GALNTL6: variants seen among roughly 807,000 people sequenced by gnomAD.
GALNTL6 encodes polypeptide N-acetylgalactosaminyltransferase-like 6.
In GALNTL6, 46 loss-of-function variants were observed where a neutral mutation model predicts 73.7. The ratio of observed to expected loss-of-function variants is 0.62; its 90% CI spans 0.49 to 0.80. The LOEUF is 0.80. GALNTL6 is among the 30% of genes least tolerant of loss of function. The pLI is 0.00. For synonymous variants in GALNTL6, 259 were observed against 263.7 expected (o/e 0.98, Z 0.17); for missense variants, 604 against 755.0 (o/e 0.80, Z 2.34).
chr4:172,480,889 G>C (rs1018086776), intron 5 of GALNTL6, among the ~76,000 whole-genome samples: 1 of 152,016 alleles, frequency 6.6e-6, no homozygotes, highest in Admixed American at 6.5e-5. Flanking sequence ...CCTAGGAAGG[G>C]GTGCATGAAA....
At chr4:172,998,592 T>C (rs578137566) in intron 10 of GALNTL6, among the ~76,000 whole-genome samples, 2 of 152,278 alleles carry the variant, frequency 1.3e-5, no homozygotes, top group South Asian at 4.1e-4. Context: ...TCTACCTTCA[T>C]TCATGAAACC....
chr4:172,484,175 C>A (rs928704316), intron 5 of GALNTL6, among the ~76,000 whole-genome samples: 6 of 152,076 alleles, frequency 3.9e-5, no homozygotes, highest in African/African-American at 1.4e-4. Flanking sequence ...GATTTTTGAT[C>A]TGCTATGTAA....
chr4:172,141,599 C>T (rs1043611208), intron 2 of GALNTL6, among the ~76,000 whole-genome samples: 10 of 151,418 alleles, frequency 6.6e-5, no homozygotes, highest in Non-Finnish European at 1.3e-4. Flanking sequence ...ATTTTAAACT[C>T]GTCAATTAAA....
At chr4:172,901,676 A>G (rs1264511613) in intron 8 of GALNTL6, among the ~76,000 whole-genome samples, 5 of 152,230 alleles carry the variant, frequency 3.3e-5, no homozygotes, top group African/African-American at 1.2e-4. Flanking sequence ...CCGAACGAAA[A>G]AAATTCCAGA....
rs550074683 is a variant in GALNTL6 at position 171,999,064 on chromosome 4, G to C, written c.138+184346G>C. Among the ~76,000 whole-genome samples, 8 of 152,190 alleles carry C rather than the reference G, an allele frequency of 5.3e-5. No homozygotes were observed. In the East Asian group the frequency reaches 1.5e-3, roughly 29 times the overall value. ...CTGAGTCCCTCAGGAAACGTCTTTT[G>C]GTATTTCATTTGTTTGACTAAGGTC... is the stretch of plus-strand genomic sequence containing the variant. On this transcript the variant is annotated intron_variant, in intron 2 of 12. Transcript: ENST00000506823.
At chr4:172,534,758 G>A (rs1301899538) in intron 5 of GALNTL6, among the ~76,000 whole-genome samples, 1 of 152,104 alleles carries the variant, frequency 6.6e-6, no homozygotes, top group East Asian at 1.9e-4. Flanking sequence ...AGTAGAAACA[G>A]GGTTTCACCA....
chr4:171,841,616 A>G (rs1735240906), intron 2 of GALNTL6, among the ~76,000 whole-genome samples: 2 of 152,112 alleles, frequency 1.3e-5, no homozygotes, highest in Non-Finnish European at 2.9e-5. Context: ...AATACTAATG[A>G]AACTAGCTAT....
At chr4:172,921,827 T>C (rs548652764) in intron 8 of GALNTL6, among the ~76,000 whole-genome samples, 8 of 150,114 alleles carry the variant, frequency 5.3e-5, no homozygotes, top group African/African-American at 2.0e-4. Context: ...AAAAAATGCA[T>C]GTATTCATTC....
intron 2 of GALNTL6, among the ~76,000 whole-genome samples, chr4:172,081,203 C>T (rs965448395): frequency 2.6e-5 from 4 of 152,198 alleles, no homozygotes; most frequent in Non-Finnish European, 4.4e-5. Context: ...GAGAGTGAAC[C>T]TTAATGCTTA....
intron 5 of GALNTL6, among the ~76,000 whole-genome samples, chr4:172,389,813 A>C (rs1743597771): frequency 6.6e-6 from 1 of 152,120 alleles, no homozygotes; most frequent in Admixed American, 6.5e-5. Flanking sequence ...TAATATATCG[A>C]ATTAGTTGAG....
intron 2 of GALNTL6, among the ~76,000 whole-genome samples, chr4:172,007,412 A>G (rs1026567286): frequency 6.6e-6 from 1 of 152,102 alleles, no homozygotes; most frequent in African/African-American, 2.4e-5. Flanking sequence ...ACCAGTATGA[A>G]TAAGTAATAT....
chr4:172,379,917 C>A, intron 5 of GALNTL6: 1 of 584,126 alleles, frequency 1.7e-6, no homozygotes, highest in Non-Finnish European at 3.1e-6. Context: ...CTGAAGAAGT[C>A]TGGGCTTTTA....
chr4:172,177,902 A>T (rs1735099317), intron 2 of GALNTL6, among the ~76,000 whole-genome samples: 1 of 102,138 alleles, frequency 9.8e-6, no homozygotes, highest in Non-Finnish European at 2.3e-5. Flanking sequence ...TACTTCTATG[A>T]TATGACTTTC....
At chr4:172,699,073 G>A (rs1725217236) in intron 5 of GALNTL6, among the ~76,000 whole-genome samples, 1 of 152,178 alleles carries the variant, frequency 6.6e-6, no homozygotes, top group African/African-American at 2.4e-5. Context: ...TTCATAGAAA[G>A]AGCCTTATAG....
At chr4:172,503,883 A>ATTCTGCCATTCT (rs1415795499) in intron 5 of GALNTL6, among the ~76,000 whole-genome samples, 6 of 8,838 alleles carry the variant, frequency 6.8e-4, no homozygotes, top group South Asian at 0.022. Flanking sequence ...GTCCAAGCAC[A>ATTCTGCCATTCT]GATCACGCCT....
intron 3 of GALNTL6, among the ~76,000 whole-genome samples, chr4:172,232,836 AT>A (rs1206774623): frequency 6.6e-6 from 1 of 152,088 alleles, no homozygotes; most frequent in Non-Finnish European, 1.5e-5. Context: ...TAAAAGTCCT[AT>A]TCATTTCTGT....
chr4:171,874,843 C>T (rs559070690), intron 2 of GALNTL6, among the ~76,000 whole-genome samples: 2 of 152,170 alleles, frequency 1.3e-5, no homozygotes, highest in South Asian at 4.1e-4. Flanking sequence ...TAACCTCAAA[C>T]AATGTACAAA....
intron 5 of GALNTL6, among the ~76,000 whole-genome samples, chr4:172,582,754 A>G (rs1737242604): frequency 6.7e-6 from 1 of 149,908 alleles, no homozygotes; most frequent in African/African-American, 2.5e-5. Context: ...ACAGACACAC[A>G]CACACACACA....
chr4:172,637,236 A>G (rs555624281), intron 5 of GALNTL6, among the ~76,000 whole-genome samples: 9 of 152,194 alleles, frequency 5.9e-5, no homozygotes, highest in Non-Finnish European at 1.2e-4. Flanking sequence ...GAATAATAAA[A>G]TGATACCAAA....
Sources: allele counts gnomAD v4.1 joint callset (sites outside exome capture counted in the v4.1 genomes callset), GRCh38; gene constraint gnomAD v4.1.1; transcripts MANE v1.5; gene names NCBI Gene and HGNC (gene_info 2026-07-23, HGNC 2026-07-21).